Variants in JAG1 observed in about 807,000 individuals in gnomAD.
The protein encoded by JAG1 is protein jagged-1.
A neutral mutation model predicts 148.7 loss-of-function variants in JAG1; 23 were observed. That is an observed-to-expected ratio of 0.15 (90% CI 0.11 to 0.22). The LOEUF is 0.22. Among genes scored for constraint, JAG1 ranks in the 10% least tolerant of loss-of-function variants. The probability of loss-of-function intolerance (pLI) is 1.00; values close to 1 mark genes in which losing one functional copy is unlikely to be tolerated. For synonymous variants in JAG1, 572 were observed against 598.3 expected, an observed-to-expected ratio of 0.96 and a Z score of 0.64; for missense variants, 1,054 against 1,611.2, an observed-to-expected ratio of 0.65 and a Z score of 5.92.
At chr20:10,657,511 G>A (rs2067386565) in intron 4 of JAG1, among the ~76,000 whole-genome samples, 1 of 152,142 alleles carries the variant, frequency 6.6e-6, no homozygotes, top group South Asian at 2.1e-4. Context: ...GAAAGCAGTA[G>A]TACTACCCGG....
At position 10,647,086 on chromosome 20, in the gene JAG1, C is replaced by A. The variant is rs2067314687; in HGVS notation, c.1738G>T (p.Val580Leu). Residue 580 changes from valine (V) to leucine (L), a missense_variant, in exon 14 of 26, where the codon GTG becomes TTG. Transcript: ENST00000254958. Reference sequence around the variant, plus strand: ...GGTGTGTCGTTGGAAGCCATGGCCACTGTGCAGCTGTCAATCACTAGAAGA... The same window carrying A: ...GGTGTGTCGTTGGAAGCCATGGCCAATGTGCAGCTGTCAATCACTAGAAGA... ...TPCEVIDSCT[V>L]AMASNDTPEG... 6.2e-7 allele frequency: 1 copy of A among 1,614,132 alleles called. No individual in the cohort carries two copies. Among genetic ancestry groups the A allele is most frequent in the Non-Finnish European group, 8.5e-7 (1 of 1,180,048 alleles).
In JAG1 at chr20:10,645,641, G is replaced by A. The variant is rs2067303911; in HGVS notation, c.2000-172C>T. The stretch of plus-strand genomic sequence containing the variant: ...CCAGGAATAAAGGAGCTCCCAACTG[G>A]GTTACTTTGAATGCCACAAGTTAGG... On this transcript the variant is annotated intron_variant, in intron 15 of 25. Coordinates refer to ENST00000254958, the MANE Select transcript of JAG1 (RefSeq NM_000214.3). The surrounding 1 kb of genome is among the most constrained non-coding windows in gnomAD (Gnocchi z 6.1). The A allele has an allele frequency of 1.3e-5, 9 of 680,942 alleles. No homozygotes were observed. In the East Asian group the frequency reaches 2.4e-4, roughly 18 times the overall value. The allele number at this position is 680,942 out of a possible 1,614,324, so 42.2% of individuals were successfully genotyped here.
rs148626327 is a variant in JAG1 at position 10,651,276 on chromosome 20, T to C, written c.1120+305A>G. ...ACCTCCCCTGAAGGCAGCCTCTCCA[T>C]GGCTGCAAGAAGAATAACCACAATT... On this transcript the variant is annotated intron_variant, in intron 8 of 25. Coordinates refer to ENST00000254958, the MANE Select transcript of JAG1 (RefSeq NM_000214.3). The C allele has an allele frequency of 0.026, 9,074 of 344,362 alleles. 197 individuals carry two copies. Among genetic ancestry groups the C allele is most frequent in the Admixed American group, 0.075 (1,834 of 24,406 alleles). The allele number at this position is 344,362 out of a possible 1,614,324, so 21.3% of individuals were successfully genotyped here.
Position 10,647,946 on chromosome 20 carries a change from G to C in JAG1, c.1720+14C>G, listed in dbSNP as rs556199100. On this transcript the variant is annotated intron_variant, in intron 13 of 25. Transcript: ENST00000254958. ...AAGTCTGGAGACAGCCAGGTCCCGG[G>C]AGAAGGGAGGTACCTTCACAGGGGG... 1 of 1,613,924 alleles carries C rather than the reference G, an allele frequency of 6.2e-7. No homozygotes were observed. Among genetic ancestry groups the C allele is most frequent in the South Asian group, 1.1e-5 (1 of 91,074 alleles).
intron 5 of JAG1, among the ~76,000 whole-genome samples, chr20:10,654,775 G>T (rs897276599): frequency 1.3e-5 from 2 of 152,192 alleles, no homozygotes; most frequent in African/African-American, 4.8e-5. Context: ...AGAGGGAGGT[G>T]GGACTTCGAA....
Position 10,652,391 on chromosome 20 carries a change from G to T in JAG1, c.886+77C>A. 8 of 1,599,954 alleles carry T rather than the reference G, an allele frequency of 5.0e-6. No homozygotes were observed. The Admixed American group carries it at 1.3e-4, about 27-fold the overall frequency. ...AGGAGAATTCAGAATAAAAGCCCCT[G>T]CCAATAAAATTAGAAACCAAATTAG... is the stretch of plus-strand genomic sequence containing the variant. On this transcript the variant is annotated intron_variant, in intron 6 of 25. Coordinates refer to ENST00000254958, the MANE Select transcript of JAG1 (RefSeq NM_000214.3).
At position 10,672,906 on chromosome 20, in the gene JAG1, G is replaced by T. The variant is rs199603948; in HGVS notation, c.182C>A (p.Pro61Gln). The T allele has an allele frequency of 3.7e-6, 6 of 1,613,058 alleles. No individual in the cohort carries two copies. The highest frequency in any genetic ancestry group is 3.4e-6 in the Non-Finnish European group (4 of 1,180,026). ...GTCGCGGGTGCACTTGCGGTCTCCC[G>T]GGTTCCGGGCGCCGCCGCAGCAGTT... ...NGNCCGGARN[P>Q]GDRKCTRDEC... is the part of the protein sequence containing the mutation. The change falls in exon 2 of 26, where the codon CCG becomes CAG. Residue 61 changes from proline (P) to glutamine (Q), a missense_variant. Around this residue, in one of 6 missense-constraint regions of JAG1, gnomAD observed 151 missense variants for 211.1 expected, o/e 0.72. Coordinates refer to ENST00000254958, the MANE Select transcript of JAG1 (RefSeq NM_000214.3).
chr20:10,645,830 A>G lies in JAG1; in HGVS notation c.1999+141T>C. 1.3e-6 allele frequency: 1 copy of G among 742,848 alleles called. No individual in the cohort carries two copies. Among genetic ancestry groups the G allele is most frequent in the South Asian group, 1.5e-5 (1 of 68,618 alleles). 46.0% of individuals were successfully genotyped at this position (742,848 alleles called of 1,614,324 possible). ...GACTCATAAATGCAAATGAGACACA[A>G]GTGATACTGTCCCAGTGCAGAAATC... is the stretch of plus-strand genomic sequence containing the variant. On this transcript the variant is annotated intron_variant, in intron 15 of 25. Transcript: ENST00000254958. This position sits in a 1 kb window ranked among gnomAD's most constrained non-coding sequence, Gnocchi z 6.1.
chr20:10,668,865 C>CA (rs2067475173), intron 2 of JAG1, among the ~76,000 whole-genome samples: 1 of 152,110 alleles, frequency 6.6e-6, no homozygotes, highest in South Asian at 2.1e-4. Flanking sequence ...CAAGAGCCTC[C>CA]ACGCCAAAGT....
chr20:10,664,576 T>G (rs1360617427), intron 2 of JAG1, among the ~76,000 whole-genome samples: 1 of 152,088 alleles, frequency 6.6e-6, no homozygotes, highest in Non-Finnish European at 1.5e-5. Context: ...CTCCCACAAG[T>G]ATCGGGTAAC....
rs542976402 is a variant in JAG1 at position 10,641,182 on chromosome 20, G to A, written c.2979C>T (p.Ser993=). The A allele has an allele frequency of 5.0e-5, 81 of 1,613,790 alleles. No homozygotes were observed. The highest frequency in any genetic ancestry group is 4.2e-4 in the South Asian group (38 of 91,082). ...LRNLNILKNV[S]AEYSIYIACE... ...AAGCGATGTAGATTGAATATTCAGC[G>A]GAAACATTCTTCAAAATATTCAAAT... Residue 993 remains serine (S), a synonymous_variant, in exon 24 of 26, where the codon TCC becomes TCT. Transcript: ENST00000254958.
At chr20:10,670,934 C>T (rs921932622) in intron 2 of JAG1, among the ~76,000 whole-genome samples, 1 of 152,224 alleles carries the variant, frequency 6.6e-6, no homozygotes, top group South Asian at 2.1e-4. Flanking sequence ...AGCGGACAGA[C>T]GCACTTTTCT....
chr20:10,640,401 C>T (rs1487057500), intron 25 of JAG1, among the ~76,000 whole-genome samples: 1 of 60,060 alleles, frequency 1.7e-5, no homozygotes, highest in South Asian at 4.3e-4. Context: ...GCCTGGACAC[C>T]CCTGCGGGGC....
intron 8 of JAG1, chr20:10,651,352 G>T: frequency 2.0e-6 from 1 of 496,030 alleles, no homozygotes; most frequent in Non-Finnish European, 3.6e-6. Flanking sequence ...GCGATTCCAC[G>T]AGGACGTTCC....
chr20:10,645,909 A>T lies in JAG1; in HGVS notation c.1999+62T>A, dbSNP rs1490270068. ...GTACAAAGAAAGTTTTCCCACGTTG[A>T]AGTGGGATCCCTCCAACATGACCCA... On this transcript the variant is annotated intron_variant, in intron 15 of 25. Coordinates refer to ENST00000254958, the MANE Select transcript of JAG1 (RefSeq NM_000214.3). The surrounding 1 kb of genome is among the most constrained non-coding windows in gnomAD (Gnocchi z 6.1). The T allele has an allele frequency of 1.7e-6, 2 of 1,143,070 alleles. No individual in the cohort carries two copies. The highest frequency in any genetic ancestry group is 2.7e-6 in the Non-Finnish European group (2 of 750,514). 70.8% of individuals were successfully genotyped at this position (1,143,070 alleles called of 1,614,324 possible).
At chr20:10,649,155 A>G (rs1316689833) in intron 10 of JAG1, 48 bp from the exon 11 acceptor site, 5 of 1,259,922 alleles carry the variant, frequency 4.0e-6, no homozygotes, top group South Asian at 1.2e-5. Flanking sequence ...TTACAGTGAA[A>G]TTGGGCTTAA....
In JAG1 at chr20:10,643,542, A is replaced by G. The variant is rs889509; in HGVS notation, c.2458+236T>C. Among the ~76,000 whole-genome samples, 54,337 of 151,982 alleles carry G rather than the reference A, an allele frequency of 0.36. 10,212 individuals are homozygous for G. The highest frequency in any genetic ancestry group is 0.43 in the Non-Finnish European group (29,263 of 67,946). ...TGTAGATTAATCATCAGATTCTGTGACTGGCACTCTCTCCCCAAGAACAAG... is the reference window on the plus strand; with the variant it reads ...TGTAGATTAATCATCAGATTCTGTGGCTGGCACTCTCTCCCCAAGAACAAG... On this transcript the variant is annotated intron_variant, in intron 20 of 25. Coordinates refer to ENST00000254958, the MANE Select transcript of JAG1 (RefSeq NM_000214.3).
At chr20:10,641,726 G>A in intron 22 of JAG1, 33 bp from the exon 23 acceptor site, 1 of 1,609,700 alleles carries the variant, frequency 6.2e-7, no homozygotes. Context: ...AGCTTAGCAG[G>A]CATGCTCATC....
intron 2 of JAG1, among the ~76,000 whole-genome samples, chr20:10,668,215 A>T (rs565548646): frequency 6.6e-6 from 1 of 151,846 alleles, no homozygotes; most frequent in African/African-American, 2.4e-5. Context: ...TAAAGGTGGG[A>T]TTTTTCTGAA....
Sources: gnomAD v4.1 joint callset for allele counts (sites outside exome capture counted in the v4.1 genomes callset) on GRCh38, gnomAD v4.1.1 for gene constraint, gnomAD v4.1.1 regional missense constraint, Gnocchi (gnomAD v3.1) non-coding constraint, MANE v1.5 for transcripts, NCBI Gene and HGNC (gene_info 2026-07-23, HGNC 2026-07-21) for gene names.